The following HS3ST2 variants were observed in gnomAD, a reference collection of about 807,000 sequenced individuals.
HS3ST2 encodes the protein heparan sulfate glucosamine 3-O-sulfotransferase 2.
HS3ST2 carries 17 observed loss-of-function variants against 26.3 expected under a neutral mutation model. The observed-to-expected ratio is 0.65, with a 90% CI of 0.44 to 0.97. The LOEUF (loss-of-function observed/expected upper bound fraction) is 0.97. Among genes scored for constraint, HS3ST2 ranks in the 50% least tolerant of loss-of-function variants. HS3ST2 has a pLI of 0.00. For synonymous variants in HS3ST2, 237 were observed against 219.2 expected (o/e 1.08, Z -0.72); for missense variants, 402 against 501.2 (o/e 0.80, Z 1.89).
chr16:22,827,946 A>G (rs539924848), intron 1 of HS3ST2, among the ~76,000 whole-genome samples: 2 of 151,426 alleles, frequency 1.3e-5, no homozygotes, highest in African/African-American at 2.4e-5. Flanking sequence ...CTCTCAAGCA[A>G]TCCTCCTGCC....
intron 1 of HS3ST2, among the ~76,000 whole-genome samples, chr16:22,857,958 G>A (rs1901620527): frequency 6.6e-6 from 1 of 152,116 alleles, no homozygotes; most frequent in Admixed American, 6.6e-5. Flanking sequence ...TTCTTAAGTA[G>A]GATAGCTTTT....
chr16:22,842,993 T>C (rs1393809728), intron 1 of HS3ST2, among the ~76,000 whole-genome samples: 2 of 152,214 alleles, frequency 1.3e-5, no homozygotes, highest in East Asian at 1.9e-4. Context: ...ACTTATTTTA[T>C]AGTTTCTTTT....
chr16:22,873,655 T>C (rs1457880194), intron 1 of HS3ST2, among the ~76,000 whole-genome samples: 1 of 152,236 alleles, frequency 6.6e-6, no homozygotes. Flanking sequence ...ACAAAATCCA[T>C]GTGTTTCAGT....
intron 1 of HS3ST2, among the ~76,000 whole-genome samples, chr16:22,843,496 T>C (rs1356357608): frequency 5.9e-5 from 9 of 152,170 alleles, no homozygotes; most frequent in Admixed American, 2.6e-4. Flanking sequence ...CTATTTGAGA[T>C]TGATTAATTT....
chr16:22,915,301 G>C lies in HS3ST2; in HGVS notation c.843G>C (p.Pro281=). The change falls in exon 2 of 2, where the codon CCG becomes CCC. Residue 281 remains proline (P), a synonymous_variant. Coordinates refer to ENST00000261374, the MANE Select transcript of HS3ST2 (RefSeq NM_006043.2). ...FVSGERLITD[P]AGEMGRVQDF... ...GTGGCGAGCGACTCATCACTGACCC[G>C]GCCGGCGAGATGGGGCGAGTCCAGG... 1.2e-6 allele frequency: 2 copies of C among 1,613,990 alleles called. No homozygotes were observed. Among genetic ancestry groups the C allele is most frequent in the African/African-American group, 1.3e-5 (1 of 74,966 alleles).
intron 1 of HS3ST2, among the ~76,000 whole-genome samples, chr16:22,840,721 A>AT (rs1901339099): frequency 6.6e-6 from 1 of 152,106 alleles, no homozygotes; most frequent in African/African-American, 2.4e-5. Flanking sequence ...GGGAATTATC[A>AT]TTTTCTCCAT....
At position 22,880,613 on chromosome 16, in the gene HS3ST2, G is replaced by A. The variant is rs559880073; in HGVS notation, c.486-34331G>A. Among the ~76,000 whole-genome samples, 7 of 152,178 alleles carry A rather than the reference G, an allele frequency of 4.6e-5. No homozygotes were observed. In the South Asian group the frequency reaches 1.5e-3, roughly 32 times the overall value. On this transcript the variant is annotated intron_variant, in intron 1 of 1. Transcript: ENST00000261374. ...TCTAGGAAGCCTTTTGTGCCATGTG[G>A]CCCAGGCTGAGGAGTGTACAGCACT...
intron 1 of HS3ST2, among the ~76,000 whole-genome samples, chr16:22,857,002 A>G (rs1276335679): frequency 6.6e-6 from 1 of 152,158 alleles, no homozygotes; most frequent in Non-Finnish European, 1.5e-5. Context: ...CATATAATAT[A>G]TTCGAGGCAC....
At chr16:22,851,858 T>A (rs931097014) in intron 1 of HS3ST2, among the ~76,000 whole-genome samples, 1 of 152,198 alleles carries the variant, frequency 6.6e-6, no homozygotes, top group Non-Finnish European at 1.5e-5. Context: ...CTAGGGATGT[T>A]AGCTGATGTA....
intron 1 of HS3ST2, among the ~76,000 whole-genome samples, chr16:22,893,904 A>G (rs1902169005): frequency 6.6e-6 from 1 of 152,028 alleles, no homozygotes; most frequent in Non-Finnish European, 1.5e-5. Flanking sequence ...CTTCCACCTC[A>G]GCCTCCCAAG....
At chr16:22,906,804 C>T (rs968877404) in intron 1 of HS3ST2, among the ~76,000 whole-genome samples, 1 of 152,202 alleles carries the variant, frequency 6.6e-6, no homozygotes, top group African/African-American at 2.4e-5. Context: ...CTTCTGAGGA[C>T]TCAAGGGCCG....
At chr16:22,891,143 T>C (rs1902122570) in intron 1 of HS3ST2, among the ~76,000 whole-genome samples, 1 of 152,238 alleles carries the variant, frequency 6.6e-6, no homozygotes, top group Non-Finnish European at 1.5e-5. Context: ...CTATCTTGAT[T>C]GAACATTCAG....
At position 22,855,696 on chromosome 16, in the gene HS3ST2, GTCTCTCTCTC is replaced by G. The variant is rs3078722; in HGVS notation, c.485+40625_485+40634del. Among the ~76,000 whole-genome samples, 468 of 143,050 alleles carry G rather than the reference GTCTCTCTCTC, an allele frequency of 3.3e-3. 8 individuals carry two copies. In the East Asian group the frequency reaches 0.048, roughly 15 times the overall value. The allele number at this position is 143,050 out of a possible 152,430, so 93.8% of individuals were successfully genotyped here. A position where few individuals can be genotyped will look rare whatever the true frequency, so the allele number is the denominator to read the frequency against. ...TCTCTGTCTGTCTCTCTGTCTCTCT[GTCTCTCTCTC>G]TCTCTCTCTCTCTCTCTCTCTCTTT... is the stretch of plus-strand genomic sequence containing the variant. On this transcript the variant is annotated intron_variant, in intron 1 of 1. Transcript: ENST00000261374.
Position 22,909,380 on chromosome 16 carries a change from G to T in HS3ST2, c.486-5564G>T, listed in dbSNP as rs193116845. ...AAGGAGACAGAAGCTTAAAAGGGTT[G>T]CAGGGTGAGAGAAAAGTTCAGCTGT... On this transcript the variant is annotated intron_variant, in intron 1 of 1. Transcript: ENST00000261374. 1.8e-4 allele frequency among the ~76,000 whole-genome samples: 27 copies of T among 152,332 alleles called. No homozygotes were observed. The East Asian group carries it at 5.0e-3, about 28-fold the overall frequency.
intron 1 of HS3ST2, among the ~76,000 whole-genome samples, chr16:22,855,176 C>T (rs1417820318): frequency 1.3e-5 from 2 of 152,134 alleles, no homozygotes; most frequent in Admixed American, 1.3e-4. Context: ...TCACAGGCCT[C>T]ACATTTCTCC....
intron 1 of HS3ST2, among the ~76,000 whole-genome samples, chr16:22,846,186 A>T (rs1160507311): frequency 6.6e-6 from 1 of 151,878 alleles, no homozygotes; most frequent in Non-Finnish European, 1.5e-5. Context: ...CTGAGGCAGG[A>T]GAATTGTTTG....
intron 1 of HS3ST2, among the ~76,000 whole-genome samples, chr16:22,815,483 C>T (rs942383478): frequency 6.6e-6 from 1 of 152,202 alleles, no homozygotes; most frequent in African/African-American, 2.4e-5. Flanking sequence ...TGGTACCCAG[C>T]CCCTGAAGGA....
At chr16:22,901,618 C>T (rs946497271) in intron 1 of HS3ST2, among the ~76,000 whole-genome samples, 1 of 152,200 alleles carries the variant, frequency 6.6e-6, no homozygotes, top group African/African-American at 2.4e-5. Flanking sequence ...CGGTCAGCTG[C>T]AGATAGGACC....
chr16:22,843,331 T>C (rs1344991864), intron 1 of HS3ST2, among the ~76,000 whole-genome samples: 1 of 152,126 alleles, frequency 6.6e-6, no homozygotes, highest in Non-Finnish European at 1.5e-5. Flanking sequence ...AATTCTGACA[T>C]TATCTACCCA....
Sources: allele counts gnomAD v4.1 joint callset (sites outside exome capture counted in the v4.1 genomes callset), GRCh38; gene constraint gnomAD v4.1.1; transcripts MANE v1.5; gene names NCBI Gene and HGNC (gene_info 2026-07-23, HGNC 2026-07-21).